The following TMEM94 variants were observed in gnomAD, a reference collection of about 807,000 sequenced individuals.
TMEM94 encodes ER Mg2+ ATPase.
In TMEM94, 81 loss-of-function variants were observed where a neutral mutation model predicts 158.6. The observed-to-expected ratio is 0.51, with a 90% CI of 0.43 to 0.61. The LOEUF (loss-of-function observed/expected upper bound fraction) is 0.61, where lower values mean the gene tolerates loss of function less well. TMEM94 is among the 20% of genes least tolerant of loss of function. The pLI, the probability that TMEM94 is intolerant of heterozygous loss-of-function variation, is 0.00. For missense variants in TMEM94, 1,435 were observed against 1,762.0 expected (o/e 0.81, Z 3.32); for synonymous variants, 751 against 730.7 (o/e 1.03, Z -0.45).
intron 25 of TMEM94, 74 bp downstream of exon 25, chr17:75,496,881 G>T: frequency 6.7e-7 from 1 of 1,497,872 alleles, no homozygotes. Flanking sequence ...GAAAATCTGA[G>T]GAAGGAGGCT....
intron 5 of TMEM94, among the ~76,000 whole-genome samples, chr17:75,486,630 G>C (rs371770722): frequency 6.6e-6 from 1 of 152,334 alleles, no homozygotes; most frequent in African/African-American, 2.4e-5. Flanking sequence ...TGCCCAGGCA[G>C]AGGGCTGGGC....
At chr17:75,466,816 A>C (rs2050322222) in intron 1 of TMEM94, among the ~76,000 whole-genome samples, 2 of 151,978 alleles carry the variant, frequency 1.3e-5, no homozygotes. Context: ...GGGAAAAAAA[A>C]AATTGTATTA....
At chr17:75,478,003 C>CTTTTTTTTTTTT (rs909668190) in intron 2 of TMEM94, among the ~76,000 whole-genome samples, 2 of 57,880 alleles carry the variant, frequency 3.5e-5, no homozygotes, top group African/African-American at 1.0e-4. Context: ...GAGACTCCAT[C>CTTTTTTTTTTTT]TTTTTTTTTT....
rs2051516348 is a variant in TMEM94 at position 75,485,505 on chromosome 17, G to A, written c.102G>A (p.Leu34=). ...TGAAGGAGCAGCTGGAGGCAGTGCT[G>A]GAAGGACATCTCAGGGAGCGGAAGA... ...SVLKEQLEAV[L]EGHLRERKKC... Residue 34 remains leucine, a synonymous_variant, in exon 3 of 32, where the codon CTG becomes CTA. Coordinates refer to ENST00000314256, the MANE Select transcript of TMEM94 (RefSeq NM_014738.6). This position sits in a 1 kb window ranked among gnomAD's most constrained non-coding sequence, Gnocchi z 5.5. 1 of 1,614,072 alleles carries A rather than the reference G, an allele frequency of 6.2e-7. No individual in the cohort carries two copies. Among genetic ancestry groups the A allele is most frequent in the African/African-American group, 1.3e-5 (1 of 74,926 alleles).
At chr17:75,459,234 T>C (rs182641086) in intron 1 of TMEM94, among the ~76,000 whole-genome samples, 14 of 152,188 alleles carry the variant, frequency 9.2e-5, no homozygotes, top group African/African-American at 3.4e-4. Flanking sequence ...ACAGGGAAAC[T>C]GGTGGATACT....
Position 75,489,428 on chromosome 17 carries a change from G to T in TMEM94, c.867+60G>T. On this transcript the variant is annotated intron_variant, in intron 8 of 31. Transcript: ENST00000314256. The surrounding 1 kb of genome is among the most constrained non-coding windows in gnomAD (Gnocchi z 5.0). ...GCAGAGGAGAGGGCTGGACACGGGG[G>T]GGTCTCAGGGCCACTCACATGAGCG... 1 of 1,546,584 alleles carries T rather than the reference G, an allele frequency of 6.5e-7. No homozygotes were observed. Among genetic ancestry groups the T allele is most frequent in the Non-Finnish European group, 8.9e-7 (1 of 1,119,380 alleles).
intron 4 of TMEM94, 85 bp from the exon 5 acceptor site, chr17:75,486,205 G>A (rs2051589990): frequency 1.3e-6 from 2 of 1,576,518 alleles, no homozygotes; most frequent in South Asian, 1.2e-5. Context: ...AGGGACTGGG[G>A]TGGGAAGGGG....
intron 1 of TMEM94, among the ~76,000 whole-genome samples, chr17:75,463,008 TAAAAAAAAAA>T (rs1217028321): frequency 8.8e-4 from 5 of 5,684 alleles, no homozygotes; most frequent in African/African-American, 7.4e-3. Flanking sequence ...ATAAAAAAAG[TAAAAAAAAAA>T]AAAAAAAAAA....
chr17:75,486,105 C>T (rs981229690), intron 4 of TMEM94, 107 bp downstream of exon 4: 11 of 1,460,806 alleles, frequency 7.5e-6, no homozygotes, highest in African/African-American at 1.4e-5. Context: ...CCAAGCTGCT[C>T]CTGGGATGTA....
Position 75,498,539 on chromosome 17 carries a change from G to C in TMEM94, c.3733+1G>C, listed in dbSNP as rs2052976378. On this transcript the variant is annotated splice_donor_variant, in intron 29 of 31. Coordinates refer to ENST00000314256, the MANE Select transcript of TMEM94 (RefSeq NM_014738.6). LOFTEE classifies it high-confidence loss of function. The surrounding 1 kb of genome is among the most constrained non-coding windows in gnomAD (Gnocchi z 6.7). ...GCCGCCCTGATTGTCCTGCACACTG[G>C]TGAGAGGGCTCCCTGGGAGGGCGTG... 1.9e-6 allele frequency: 3 copies of C among 1,611,038 alleles called. No individual in the cohort carries two copies. Among genetic ancestry groups the C allele is most frequent in the Non-Finnish European group, 2.5e-6 (3 of 1,178,556 alleles).
chr17:75,487,844 A>T lies in TMEM94; in HGVS notation c.410-88A>T. The stretch of plus-strand genomic sequence containing the variant: ...AGACCTCCTGGGAGAGGAAGTGGGC[A>T]GACAGTGCTTCCGGAAGTGCTGCTG... On this transcript the variant is annotated intron_variant, in intron 5 of 31. Coordinates refer to ENST00000314256, the MANE Select transcript of TMEM94 (RefSeq NM_014738.6). This position sits in a 1 kb window ranked among gnomAD's most constrained non-coding sequence, Gnocchi z 4.6. The T allele has an allele frequency of 9.2e-7, 1 of 1,083,842 alleles. No homozygotes were observed. The highest frequency in any genetic ancestry group is 1.4e-6 in the Non-Finnish European group (1 of 718,470). 67.1% of individuals were successfully genotyped at this position (1,083,842 alleles called of 1,614,324 possible).
chr17:75,491,885 A>G lies in TMEM94; in HGVS notation c.1581A>G (p.Glu527=), dbSNP rs2052224182. The G allele has an allele frequency of 6.2e-7, 1 of 1,612,704 alleles. No homozygotes were observed. Among genetic ancestry groups the G allele is most frequent in the Non-Finnish European group, 8.5e-7 (1 of 1,179,492 alleles). ...TCAGCAGGGACACCGAGGGTGGTGA[A>G]GAAGAGCCCAGCAAGGTGACGGGAG... ...VSFSRDTEGG[E]EEPSKTQPGM... The change falls in exon 14 of 32, where the codon GAA becomes GAG. Residue 527 remains glutamate, a synonymous_variant. Transcript: ENST00000314256. The surrounding 1 kb of genome is among the most constrained non-coding windows in gnomAD (Gnocchi z 5.1).
intron 1 of TMEM94, among the ~76,000 whole-genome samples, chr17:75,470,460 C>T (rs2050455184): frequency 6.6e-6 from 1 of 152,046 alleles, no homozygotes; most frequent in Non-Finnish European, 1.5e-5. Flanking sequence ...AATCCCAGCA[C>T]TTTGGGAGGC....
At position 75,496,802 on chromosome 17, in the gene TMEM94, A is replaced by G. The variant is rs2052735033; in HGVS notation, c.3316A>G (p.Ile1106Val). 2 of 1,613,680 alleles carry G rather than the reference A, an allele frequency of 1.2e-6. No homozygotes were observed. Among genetic ancestry groups the G allele is most frequent in the Non-Finnish European group, 1.7e-6 (2 of 1,179,986 alleles). ...LLQCQLTLVV[I>V]QFLSCLVQLP... Reference sequence around the variant, plus strand: ...GCAGTGCCAGCTGACTCTTGTGGTCATCCAGGTGAGGTGGGGCCCGCACAG... The same window carrying G: ...GCAGTGCCAGCTGACTCTTGTGGTCGTCCAGGTGAGGTGGGGCCCGCACAG... Residue 1106 changes from isoleucine (I) to valine (V), a missense_variant, in exon 25 of 32, where the codon ATC becomes GTC. Ile to Val is a conservative substitution (Grantham distance 29). Coordinates refer to ENST00000314256, the MANE Select transcript of TMEM94 (RefSeq NM_014738.6).
intron 1 of TMEM94, among the ~76,000 whole-genome samples, chr17:75,463,155 T>G (rs2050168365): frequency 4.7e-5 from 1 of 21,500 alleles, no homozygotes; most frequent in Non-Finnish European, 1.0e-4. Flanking sequence ...TATACACGTA[T>G]ATATATGTGT....
chr17:75,485,804 C>CG lies in TMEM94; in HGVS notation c.145-62dup. ...CGGCCATGGGGGCTGGGAAGGGTGC[C>CG]GGGGGAGGCAGCCAGATTGGAGTGG... On this transcript the variant is annotated intron_variant, in intron 3 of 31. Coordinates refer to ENST00000314256, the MANE Select transcript of TMEM94 (RefSeq NM_014738.6). This position sits in a 1 kb window ranked among gnomAD's most constrained non-coding sequence, Gnocchi z 5.5. 1.3e-6 allele frequency: 2 copies of CG among 1,524,140 alleles called. No homozygotes were observed. Among genetic ancestry groups the CG allele is most frequent in the Non-Finnish European group, 1.8e-6 (2 of 1,128,548 alleles). The allele number at this position is 1,524,140 out of a possible 1,614,324, so 94.4% of individuals were successfully genotyped here.
At chr17:75,474,926 TC>T (rs2050623822) in intron 2 of TMEM94, among the ~76,000 whole-genome samples, 1 of 151,982 alleles carries the variant, frequency 6.6e-6, no homozygotes, top group Non-Finnish European at 1.5e-5. Flanking sequence ...GGCTCCCTTC[TC>T]CATTTGCTGA....
At chr17:75,462,362 G>A (rs528636471) in intron 1 of TMEM94, among the ~76,000 whole-genome samples, 1 of 152,092 alleles carries the variant, frequency 6.6e-6, no homozygotes, top group South Asian at 2.1e-4. Flanking sequence ...TATAAGCAGA[G>A]TTGAGCATCT....
Position 75,499,052 on chromosome 17 carries a change from C to A in TMEM94, c.3968C>A (p.Thr1323Asn), listed in dbSNP as rs1248174388. ...CTGTCCCTGGTCCTTGTGGTGGTGA[C>A]CAATGAGATCGTGAAGCTACATGAG... ...GCLSLVLVVV[T>N]NEIVKLHEIR... The change falls in exon 31 of 32, where the codon ACC becomes AAC. Residue 1323 changes from threonine (T) to asparagine (N), a missense_variant. Physicochemically the swap from Thr to Asn is moderately conservative, Grantham distance 65. Coordinates refer to ENST00000314256, the MANE Select transcript of TMEM94 (RefSeq NM_014738.6). 3 of 1,595,414 alleles carry A rather than the reference C, an allele frequency of 1.9e-6. No homozygotes were observed. The highest frequency in any genetic ancestry group is 2.6e-6 in the Non-Finnish European group (3 of 1,171,812).
Sources: gnomAD v4.1 joint callset for allele counts (sites outside exome capture counted in the v4.1 genomes callset) on GRCh38, gnomAD v4.1.1 for gene constraint, Gnocchi (gnomAD v3.1) non-coding constraint, MANE v1.5 for transcripts, NCBI Gene and HGNC (gene_info 2026-07-23, HGNC 2026-07-21) for gene names.